UVSSA: variants seen among roughly 807,000 people sequenced by gnomAD.
The protein encoded by UVSSA is UV-stimulated scaffold protein A.
In UVSSA, 72 loss-of-function variants were observed where a neutral mutation model predicts 73.9. The ratio of observed to expected loss-of-function variants is 0.97; its 90% confidence interval spans 0.81 to 1.19. The LOEUF (loss-of-function observed/expected upper bound fraction) is 1.19. Among genes scored for constraint, UVSSA ranks in the 50% most tolerant of loss-of-function variants. The pLI is 0.00. For missense variants in UVSSA, 1,150 were observed against 965.0 expected, an observed-to-expected ratio of 1.19 and a Z score of -2.54; for synonymous variants, 454 against 391.3, an observed-to-expected ratio of 1.16 and a Z score of -1.89.
At chr4:1,355,606 C>G (rs1715609588) in intron 7 of UVSSA, among the ~76,000 whole-genome samples, 1 of 152,214 alleles carries the variant, frequency 6.6e-6, no homozygotes, top group South Asian at 2.1e-4. Context: ...ACTGTATCCA[C>G]CAGAGGAGAG....
At chr4:1,375,545 C>A (rs79409547) in intron 9 of UVSSA, 37 bp downstream of exon 9, 15 of 1,591,776 alleles carry the variant, frequency 9.4e-6, no homozygotes, top group Non-Finnish European at 1.2e-5. Flanking sequence ...GCCCCCTGCC[C>A]GGCGCTGCCA....
downstream of UVSSA, chr4:1,389,191 AG>A: frequency 6.6e-6 from 1 of 152,156 alleles, no homozygotes; most frequent in East Asian, 1.9e-4. Flanking sequence ...AATGGTTCAT[AG>A]CATTAAAAAA....
At chr4:1,374,588 C>G (rs1191093747) in intron 8 of UVSSA, among the ~76,000 whole-genome samples, 1 of 152,232 alleles carries the variant, frequency 6.6e-6, no homozygotes, top group Non-Finnish European at 1.5e-5. Context: ...TGGTGAGACG[C>G]AGCGCCATGG....
At position 1,384,186 on chromosome 4, in the gene UVSSA, C is replaced by T. The variant is rs533541020; in HGVS notation, c.2036+246C>T. The T allele has an allele frequency of 6.1e-4, 318 of 517,086 alleles. 5 individuals carry two copies. The South Asian group carries it at 7.4e-3, about 12-fold the overall frequency. 32.0% of individuals were successfully genotyped at this position (517,086 alleles called of 1,614,324 possible). ...CCCCAGGATAAGAGGGGCTCGACCGCCAGGCACCGCCATCCTCGCTTCCTG... is the reference window on the plus strand; with the variant it reads ...CCCCAGGATAAGAGGGGCTCGACCGTCAGGCACCGCCATCCTCGCTTCCTG... On this transcript the variant is annotated intron_variant, in intron 13 of 13. Transcript: ENST00000389851.
chr4:1,369,517 G>A (rs1318026581), intron 8 of UVSSA, among the ~76,000 whole-genome samples: 1 of 152,258 alleles, frequency 6.6e-6, no homozygotes, highest in Non-Finnish European at 1.5e-5. Context: ...CACCACGGAG[G>A]AAACCGTGCT....
exon 14 of UVSSA, chr4:1,394,914 TGCCCGCCTGCTCACACGTGCCCATGC>T: frequency 2.6e-6 from 4 of 1,549,040 alleles, no homozygotes; most frequent in East Asian, 2.5e-5. Flanking sequence ...CCATGCGGAG[TGCCCGCCTGCTCACACGTGCCCATGC>T]GGAGTGCCCG....
chr4:1,391,596 T>C (rs1720415926), downstream of UVSSA: 1 of 152,264 alleles, frequency 6.6e-6, no homozygotes, highest in African/African-American at 2.4e-5. Context: ...ATGTTATTAG[T>C]ATAGCCACTT....
At chr4:1,370,008 C>T (rs1717833462) in intron 8 of UVSSA, among the ~76,000 whole-genome samples, 1 of 152,068 alleles carries the variant, frequency 6.6e-6, no homozygotes, top group South Asian at 2.1e-4. Context: ...TGGGGTTTTG[C>T]TTTGAAAGTA....
rs567453502 is a variant in UVSSA, at chr4:1,380,180, C to T, written c.1702C>T (p.Arg568Cys). 3.5e-5 allele frequency: 57 copies of T among 1,613,002 alleles called. No homozygotes were observed. Among genetic ancestry groups the T allele is most frequent in the Middle Eastern group, 3.3e-4 (2 of 6,062 alleles). The change falls in exon 11 of 14, where the codon CGT becomes TGT. Residue 568 changes from arginine to cysteine, a missense_variant. By Grantham distance (180) the Arg-to-Cys change is radical. Transcript: ENST00000389851. ...GKFEPVQHWC[R>C]APRPDGRLCE... ...GTTTGAGCCTGTGCAGCACTGGTGC[C>T]GTGCCCCGAGGCCAGACGGCCGGCT...
rs1025957381 is a variant in UVSSA at position 1,386,380 on chromosome 4, T to G, written c.*419T>G. The G allele has an allele frequency of 5.7e-6, 1 of 176,608 alleles. No individual in the cohort carries two copies. Among genetic ancestry groups the G allele is most frequent in the African/African-American group, 2.4e-5 (1 of 42,310 alleles). The allele number at this position is 176,608 out of a possible 1,614,324, so 10.9% of individuals were successfully genotyped here. ...AAACCCACTTTTGTGCAAATGCTGT[T>G]TTTAACACAAACACAAAGGCTAGTG... On this transcript the variant is annotated 3_prime_UTR_variant, in exon 14 of 14. Transcript: ENST00000389851.
At chr4:1,369,319 G>A (rs1387860414) in intron 8 of UVSSA, among the ~76,000 whole-genome samples, 9 of 152,214 alleles carry the variant, frequency 5.9e-5, no homozygotes, top group Admixed American at 5.9e-4. Context: ...GGGTGCGCAG[G>A]GAGGACCCCT....
intron 10 of UVSSA, among the ~76,000 whole-genome samples, chr4:1,378,786 C>G (rs1719082377): frequency 6.6e-6 from 1 of 152,222 alleles, no homozygotes; most frequent in Non-Finnish European, 1.5e-5. Context: ...GTCAGGCACC[C>G]TCGGGGGAGC....
chr4:1,373,872 C>G (rs911094091), intron 8 of UVSSA, among the ~76,000 whole-genome samples: 1 of 152,328 alleles, frequency 6.6e-6, no homozygotes, highest in Non-Finnish European at 1.5e-5. Context: ...TCCTCTGCAC[C>G]TGACAATTTT....
chr4:1,384,419 TCTGGGAGGCTGGC>T (rs1301187485), intron 13 of UVSSA: 1 of 163,824 alleles, frequency 6.1e-6, no homozygotes, highest in Admixed American at 6.2e-5. Flanking sequence ...GAGCACTGGC[TCTGGGAGGCTGGC>T]CTGGTGTCTC....
chr4:1,383,467 C>G (rs997972349), intron 12 of UVSSA, among the ~76,000 whole-genome samples: 3 of 152,180 alleles, frequency 2.0e-5, no homozygotes, highest in African/African-American at 7.2e-5. Context: ...GGCCTCTGGG[C>G]TGAGCCCCTG....
intron 8 of UVSSA, among the ~76,000 whole-genome samples, chr4:1,370,335 C>T (rs866170129): frequency 3.3e-5 from 5 of 152,198 alleles, no homozygotes; most frequent in African/African-American, 9.7e-5. Context: ...CTGAGGGGCA[C>T]TTGGCAGGTT....
In UVSSA at chr4:1,395,219, C is replaced by T. The variant is rs78871723; in HGVS notation, c.*9258C>T. The T allele has an allele frequency of 5.2e-4, 648 of 1,237,944 alleles. 16 individuals are homozygous for T. The East Asian group carries it at 6.4e-3, about 12-fold the overall frequency. 76.7% of individuals were successfully genotyped at this position (1,237,944 alleles called of 1,614,324 possible). A position where few individuals can be genotyped will look rare whatever the true frequency, so the allele number is the denominator to read the frequency against. ...GCCCGCCTGCTCACACGTGCCGATGCGGAGTGCCCGCCTGCTCACACGTGC... is the reference window on the plus strand; with the variant it reads ...GCCCGCCTGCTCACACGTGCCGATGTGGAGTGCCCGCCTGCTCACACGTGC... On this transcript the variant is annotated 3_prime_UTR_variant, in exon 14 of 14. Transcript: ENST00000511216.
At chr4:1,351,508 C>G (rs1714740554) in intron 3 of UVSSA, among the ~76,000 whole-genome samples, 1 of 151,978 alleles carries the variant, frequency 6.6e-6, no homozygotes, top group Non-Finnish European at 1.5e-5. Flanking sequence ...GCCTCAATCT[C>G]CCAAGTAGCT....
chr4:1,342,071 G>A (rs1713451763), upstream of UVSSA, among the ~76,000 whole-genome samples: 1 of 152,208 alleles, frequency 6.6e-6, no homozygotes, highest in Non-Finnish European at 1.5e-5. Flanking sequence ...GAACATTTGT[G>A]TGCCAGTCTT....
Sources: gnomAD v4.1 joint callset for allele counts (sites outside exome capture counted in the v4.1 genomes callset) on GRCh38, gnomAD v4.1.1 for gene constraint, MANE v1.5 for transcripts, NCBI Gene and HGNC (gene_info 2026-07-23, HGNC 2026-07-21) for gene names.